ABCA13: variants seen among roughly 807,000 people sequenced by gnomAD.
ABCA13 encodes the protein ATP binding cassette subfamily A member 13.
In ABCA13, 476 loss-of-function variants were observed where a neutral mutation model predicts 478.7. That is an observed-to-expected ratio of 0.99 (90% CI 0.92 to 1.07). ABCA13 has a LOEUF of 1.07. Among genes scored for constraint, ABCA13 ranks in the 50% least tolerant of loss-of-function variants. The pLI is 0.00. For synonymous variants in ABCA13, 2,252 were observed against 2,158.9 expected, an observed-to-expected ratio of 1.04 and a Z score of -1.20; for missense variants, 6,060 against 5,910.6, an observed-to-expected ratio of 1.03 and a Z score of -0.83.
intron 59 of ABCA13, among the ~76,000 whole-genome samples, chr7:48,620,367 A>G (rs115766770): frequency 1.4e-3 from 206 of 152,318 alleles, no homozygotes; most frequent in African/African-American, 4.7e-3. Context: ...CAGCATGACC[A>G]TTTTAAATGT....
At chr7:48,178,923 G>T (rs1795255301) in intron 1 of ABCA13, among the ~76,000 whole-genome samples, 1 of 149,452 alleles carries the variant, frequency 6.7e-6, no homozygotes, top group Non-Finnish European at 1.5e-5. Context: ...GCTAGGTCTG[G>T]GAGATTTTAT....
At position 48,477,328 on chromosome 7, in the gene ABCA13, A is replaced by G. The variant is rs867555584; in HGVS notation, c.12976-3708A>G. ...TAGTTCAACCATTGTGGAAGTCAGT[A>G]TGGCGATTCCTCAGGGATCTAGAAC... is the stretch of plus-strand genomic sequence containing the variant. On this transcript the variant is annotated intron_variant, in intron 45 of 61. Transcript: ENST00000435803. Among the ~76,000 whole-genome samples, 27 of 152,286 alleles carry G rather than the reference A, an allele frequency of 1.8e-4. No individual in the cohort carries two copies. In the Middle Eastern group the frequency reaches 0.01, roughly 58 times the overall value.
intron 42 of ABCA13, among the ~76,000 whole-genome samples, chr7:48,438,865 A>G (rs1450644284): frequency 6.7e-6 from 1 of 149,974 alleles, no homozygotes; most frequent in Non-Finnish European, 1.5e-5. Context: ...ACATAACTGC[A>G]GAAGACAATT....
intron 47 of ABCA13, among the ~76,000 whole-genome samples, chr7:48,486,710 C>T (rs548904618): frequency 2.0e-5 from 3 of 152,210 alleles, no homozygotes; most frequent in East Asian, 3.9e-4. Flanking sequence ...ATTTAGCTCA[C>T]GGGTCTGTGA....
At chr7:48,501,599 G>A (rs1830751277) in intron 48 of ABCA13, among the ~76,000 whole-genome samples, 1 of 152,142 alleles carries the variant, frequency 6.6e-6, no homozygotes, top group Non-Finnish European at 1.5e-5. Context: ...GTTTGTGGGG[G>A]TTCAGGTATT....
At chr7:48,562,839 A>T (rs911999761) in intron 55 of ABCA13, among the ~76,000 whole-genome samples, 8 of 152,276 alleles carry the variant, frequency 5.3e-5, no homozygotes, top group African/African-American at 1.9e-4. Flanking sequence ...TGCCAAAATT[A>T]TGTAGCATAA....
chr7:48,448,750 C>T lies in ABCA13; in HGVS notation c.12566-6287C>T, dbSNP rs79919834. Among the ~76,000 whole-genome samples the T allele has an allele frequency of 7.2e-3, 1,103 of 152,162 alleles. 10 individuals carry two copies. The highest frequency in any genetic ancestry group is 0.026 in the African/African-American group (1,060 of 41,512). ...GATAATTATGAGATTATCAATAAAACAGTTTAGATAAATATTGCCTCCACT... is the reference window on the plus strand; with the variant it reads ...GATAATTATGAGATTATCAATAAAATAGTTTAGATAAATATTGCCTCCACT... On this transcript the variant is annotated intron_variant, in intron 42 of 61. Coordinates refer to ENST00000435803, the MANE Select transcript of ABCA13 (RefSeq NM_152701.5).
chr7:48,569,132 A>G (rs1787363741), intron 55 of ABCA13, among the ~76,000 whole-genome samples: 1 of 151,902 alleles, frequency 6.6e-6, no homozygotes, highest in Non-Finnish European at 1.5e-5. Flanking sequence ...TGCTCAAATC[A>G]TTATTTTTTT....
chr7:48,334,700 G>C (rs566166364), intron 27 of ABCA13, among the ~76,000 whole-genome samples: 2 of 152,254 alleles, frequency 1.3e-5, no homozygotes, highest in South Asian at 4.2e-4. Flanking sequence ...TGCTGTGCTG[G>C]CTGCTTTTCA....
At chr7:48,253,122 T>C (rs761862093) in intron 15 of ABCA13, among the ~76,000 whole-genome samples, 14 of 152,214 alleles carry the variant, frequency 9.2e-5, no homozygotes, top group Non-Finnish European at 1.9e-4. Flanking sequence ...CTCAAAAGCC[T>C]TGGATGTTTA....
chr7:48,381,947 C>T (rs568481212), intron 35 of ABCA13, among the ~76,000 whole-genome samples: 37 of 152,346 alleles, frequency 2.4e-4, no homozygotes, highest in East Asian at 5.8e-4. Flanking sequence ...GCGGCTTCCA[C>T]GCCAGCTTGC....
chr7:48,599,199 A>G (rs923110419), intron 58 of ABCA13, among the ~76,000 whole-genome samples: 3 of 151,862 alleles, frequency 2.0e-5, no homozygotes, highest in African/African-American at 7.2e-5. Flanking sequence ...TTTGACCCTT[A>G]GTTTATTTAG....
At chr7:48,401,287 A>G (rs1817566211) in intron 38 of ABCA13, among the ~76,000 whole-genome samples, 1 of 152,244 alleles carries the variant, frequency 6.6e-6, no homozygotes, top group African/African-American at 2.4e-5. Flanking sequence ...CTAACATTTA[A>G]AAAATAAAAT....
intron 55 of ABCA13, among the ~76,000 whole-genome samples, chr7:48,552,257 C>G (rs376012392): frequency 6.6e-6 from 1 of 151,948 alleles, no homozygotes; most frequent in East Asian, 1.9e-4. Flanking sequence ...GCTGCTTCAT[C>G]TTGCATTCTT....
chr7:48,637,380 G>GCAAAAAAAAAAAAAAAAAAAA (rs1794731930), intron 59 of ABCA13, among the ~76,000 whole-genome samples: 1 of 6,578 alleles, frequency 1.5e-4, no homozygotes, highest in Non-Finnish European at 2.8e-4. Flanking sequence ...TGTTCATAAA[G>GCAAAAAAAAAAAAAAAAAAAA]CAAAAAAAAA....
intron 20 of ABCA13, among the ~76,000 whole-genome samples, chr7:48,288,966 T>C (rs1798139019): frequency 6.6e-6 from 1 of 152,182 alleles, no homozygotes; most frequent in African/African-American, 2.4e-5. Context: ...CCTGTCTCTC[T>C]TCTAGTTCTG....
chr7:48,441,180 T>C (rs537479475), intron 42 of ABCA13, among the ~76,000 whole-genome samples: 1 of 152,278 alleles, frequency 6.6e-6, no homozygotes, highest in South Asian at 2.1e-4. Context: ...ACTTAGTAGA[T>C]GTAACTTAAT....
chr7:48,312,822 T>C (rs115891969), intron 24 of ABCA13, among the ~76,000 whole-genome samples: 1,874 of 152,378 alleles, frequency 0.012, 35 homozygotes, highest in African/African-American at 0.043. Context: ...TGAATTTTAA[T>C]GATAGATCAC....
At chr7:48,238,519 A>G (rs1488241303) in intron 8 of ABCA13, among the ~76,000 whole-genome samples, 2 of 149,512 alleles carry the variant, frequency 1.3e-5, no homozygotes, top group Non-Finnish European at 3.0e-5. Flanking sequence ...CCCAGGCTGG[A>G]GTGCAGTGGC....
Sources: gnomAD v4.1 joint callset for allele counts (sites outside exome capture counted in the v4.1 genomes callset) on GRCh38, gnomAD v4.1.1 for gene constraint, MANE v1.5 for transcripts, NCBI Gene and HGNC (gene_info 2026-07-23, HGNC 2026-07-21) for gene names.